The following LIN28B variants were observed in gnomAD, a reference collection of about 807,000 sequenced individuals.
The protein encoded by LIN28B is protein lin-28 homolog B.
A neutral mutation model predicts 21.9 loss-of-function variants in LIN28B; 5 were observed. That is an observed-to-expected ratio of 0.23 (90% CI 0.12 to 0.48). The LOEUF (loss-of-function observed/expected upper bound fraction) is 0.48. LIN28B is among the 20% of genes least tolerant of loss of function. LIN28B has a pLI of 0.98. For missense variants in LIN28B, 245 were observed against 310.5 expected (o/e 0.79, Z 1.58); for synonymous variants, 109 against 111.3 (o/e 0.98, Z 0.13).
At chr6:105,049,650 G>A (rs1432063658) in intron 3 of LIN28B, among the ~76,000 whole-genome samples, 1 of 151,896 alleles carries the variant, frequency 6.6e-6, no homozygotes, top group Non-Finnish European at 1.5e-5. Flanking sequence ...TCTCTTTGTA[G>A]TTCTCTAAGG....
intron 3 of LIN28B, among the ~76,000 whole-genome samples, chr6:105,069,635 G>A (rs1772292414): frequency 6.6e-6 from 1 of 151,332 alleles, no homozygotes; most frequent in African/African-American, 2.4e-5. Context: ...GGGATGCTGA[G>A]CCCTGATTAT....
intron 3 of LIN28B, among the ~76,000 whole-genome samples, chr6:105,054,752 G>C (rs1280312424): frequency 6.6e-6 from 1 of 152,032 alleles, no homozygotes; most frequent in African/African-American, 2.4e-5. Flanking sequence ...GGGACTTCTT[G>C]CCACTTTGGG....
intron 2 of LIN28B, among the ~76,000 whole-genome samples, chr6:104,959,554 C>T (rs538219755): frequency 6.6e-6 from 1 of 152,224 alleles, no homozygotes; most frequent in East Asian, 1.9e-4. Context: ...TGTGTGTTTT[C>T]CTTTCCTGAA....
chr6:104,974,860 C>A (rs1215927960), intron 2 of LIN28B, among the ~76,000 whole-genome samples: 1 of 151,910 alleles, frequency 6.6e-6, no homozygotes, highest in Non-Finnish European at 1.5e-5. Flanking sequence ...CACTCTGTTG[C>A]CCAGGCTGGA....
intron 2 of LIN28B, among the ~76,000 whole-genome samples, chr6:105,015,487 G>C (rs2114316862): frequency 6.6e-6 from 1 of 151,988 alleles, no homozygotes; most frequent in Non-Finnish European, 1.5e-5. Context: ...ATAAATCTCT[G>C]CATTTTCGTT....
In LIN28B at chr6:105,079,565, T is replaced by TA. The variant is rs1772500608; in HGVS notation, c.*783dup. The TA allele has an allele frequency of 6.6e-6, 1 of 152,658 alleles. No individual in the cohort carries two copies. The highest frequency in any genetic ancestry group is 1.5e-5 in the Non-Finnish European group (1 of 68,048). 9.5% of individuals were successfully genotyped at this position (152,658 alleles called of 1,614,324 possible). On this transcript the variant is annotated 3_prime_UTR_variant, in exon 4 of 4. Coordinates refer to ENST00000345080, the MANE Select transcript of LIN28B (RefSeq NM_001004317.4). The stretch of plus-strand genomic sequence containing the variant: ...GTGTTTAATTGTAAAATTAGATGCC[T>TA]ATTAAGAGAAATGAAGGGGAGGATC...
intron 3 of LIN28B, among the ~76,000 whole-genome samples, chr6:105,063,341 A>T (rs764405753): frequency 3.3e-5 from 5 of 152,212 alleles, no homozygotes; most frequent in Non-Finnish European, 7.3e-5. Context: ...GATTATAAAA[A>T]ACACTGTCCC....
At chr6:104,966,822 C>T (rs748995354) in intron 2 of LIN28B, among the ~76,000 whole-genome samples, 18 of 152,070 alleles carry the variant, frequency 1.2e-4, no homozygotes, top group Non-Finnish European at 1.6e-4. Context: ...GGGGTTTCAC[C>T]GAGTTAGCCA....
intron 2 of LIN28B, among the ~76,000 whole-genome samples, chr6:104,937,279 G>A (rs973576518): frequency 3.3e-5 from 5 of 151,896 alleles, no homozygotes; most frequent in East Asian, 2.0e-4. Flanking sequence ...AACCGCGGGC[G>A]CGCGCCACCA....
rs149933424 is a variant in LIN28B, at chr6:105,061,572, A to T, written c.384-16842A>T. Reference sequence around the variant, plus strand: ...TTCATCTACCATGAATTGTCTTAACACTAGTGGAGAAATTTCACCTACCAT... The same window carrying T: ...TTCATCTACCATGAATTGTCTTAACTCTAGTGGAGAAATTTCACCTACCAT... On this transcript the variant is annotated intron_variant, in intron 3 of 3. Coordinates refer to ENST00000345080, the MANE Select transcript of LIN28B (RefSeq NM_001004317.4). Among the ~76,000 whole-genome samples the T allele has an allele frequency of 4.6e-3, 644 of 141,112 alleles. 3 individuals are homozygous for T. Among genetic ancestry groups the T allele is most frequent in the Non-Finnish European group, 7.3e-3 (482 of 66,406 alleles). 92.6% of individuals were successfully genotyped at this position (141,112 alleles called of 152,430 possible).
intron 3 of LIN28B, among the ~76,000 whole-genome samples, chr6:105,065,290 G>A (rs1772200475): frequency 6.6e-6 from 1 of 152,222 alleles, no homozygotes; most frequent in South Asian, 2.1e-4. Flanking sequence ...AAGTAGCCAT[G>A]AGGCCAAGAA....
rs551601484 is a variant in LIN28B at position 104,944,893 on chromosome 6, G to A, written c.19-5568G>A. Reference sequence around the variant, plus strand: ...AACCAGTTTCTAGTTTTTTCTTAGCGGAACAAAAGCTTAATTATATGGAAA... The same window carrying A: ...AACCAGTTTCTAGTTTTTTCTTAGCAGAACAAAAGCTTAATTATATGGAAA... On this transcript the variant is annotated intron_variant, in intron 2 of 5. Transcript: ENST00000635857. Among the ~76,000 whole-genome samples, 117 of 152,058 alleles carry A rather than the reference G, an allele frequency of 7.7e-4. No homozygotes were observed. The South Asian group carries it at 0.022, about 29-fold the overall frequency.
At chr6:105,003,595 C>T (rs1488801817) in intron 2 of LIN28B, among the ~76,000 whole-genome samples, 2 of 152,076 alleles carry the variant, frequency 1.3e-5, no homozygotes, top group East Asian at 3.9e-4. Context: ...TCACTGCAAC[C>T]TCCGCCTCCC....
At chr6:105,057,096 G>A (rs1772036427) in intron 3 of LIN28B, among the ~76,000 whole-genome samples, 1 of 152,116 alleles carries the variant, frequency 6.6e-6, no homozygotes, top group African/African-American at 2.4e-5. Flanking sequence ...TTGTAATGCA[G>A]AGATAAAATA....
chr6:105,023,206 T>C (rs1582901289), intron 2 of LIN28B, among the ~76,000 whole-genome samples: 1 of 67,214 alleles, frequency 1.5e-5, no homozygotes, highest in South Asian at 4.9e-4. Flanking sequence ...TATAGTTTCT[T>C]ATGGATATAT....
chr6:104,975,930 C>A (rs564622895), intron 2 of LIN28B, among the ~76,000 whole-genome samples: 10 of 151,444 alleles, frequency 6.6e-5, no homozygotes, highest in African/African-American at 2.4e-4. Context: ...GATTACCCCA[C>A]CTTGGCCTCC....
intron 3 of LIN28B, among the ~76,000 whole-genome samples, chr6:105,031,967 G>A (rs757527798): frequency 6.6e-6 from 1 of 152,084 alleles, no homozygotes; most frequent in Non-Finnish European, 1.5e-5. Flanking sequence ...GGCAGCCTCT[G>A]ACCTATTCTC....
At chr6:105,022,718 G>A (rs1398825558) in intron 2 of LIN28B, among the ~76,000 whole-genome samples, 1 of 152,210 alleles carries the variant, frequency 6.6e-6, no homozygotes, top group East Asian at 1.9e-4. Flanking sequence ...AAGGGGTTCT[G>A]GTTCTGTAAC....
intron 3 of LIN28B, among the ~76,000 whole-genome samples, chr6:105,051,101 A>C (rs1771892248): frequency 6.6e-6 from 1 of 151,430 alleles, no homozygotes; most frequent in Non-Finnish European, 1.5e-5. Flanking sequence ...TAGACTAATA[A>C]GTAAATATAT....
Sources: gnomAD v4.1 joint callset for allele counts (sites outside exome capture counted in the v4.1 genomes callset) on GRCh38, gnomAD v4.1.1 for gene constraint, MANE v1.5 for transcripts, NCBI Gene and HGNC (gene_info 2026-07-23, HGNC 2026-07-21) for gene names.